BRD10: variants seen among roughly 807,000 people sequenced by gnomAD.
The protein encoded by BRD10 is bromodomain containing 10.
the BRD10 span, among the ~76,000 whole-genome samples, chr9:5,997,901 T>A: frequency 6.6e-6 from 1 of 152,112 alleles, no homozygotes; most frequent in Non-Finnish European, 1.5e-5. Context: ...ACACAATACA[T>A]AATAAATAAG....
chr9:6,008,325 C>T, the BRD10 span: 2 of 984,906 alleles, frequency 2.0e-6, no homozygotes, highest in African/African-American at 1.7e-5. Flanking sequence ...GGACGGGGCC[C>T]GGCGACAACT....
the BRD10 span, among the ~76,000 whole-genome samples, chr9:5,925,607 G>A: frequency 6.6e-6 from 1 of 152,034 alleles, no homozygotes; most frequent in Non-Finnish European, 1.5e-5. Context: ...CTATTTTTGT[G>A]ACTATCATAC....
At chr9:6,003,656 T>C in the BRD10 span, among the ~76,000 whole-genome samples, 1 of 152,174 alleles carries the variant, frequency 6.6e-6, no homozygotes, top group Non-Finnish European at 1.5e-5. Context: ...AAAGGCAATA[T>C]ACACACCAGT....
the BRD10 span, chr9:6,007,195 C>G: frequency 6.2e-7 from 1 of 1,610,864 alleles, no homozygotes; most frequent in Non-Finnish European, 8.5e-7. Context: ...GCTCGCTTAC[C>G]GAGAGAGAAG....
chr9:5,968,167 T>C, the BRD10 span: 3 of 1,604,758 alleles, frequency 1.9e-6, no homozygotes, highest in East Asian at 2.2e-5. Flanking sequence ...ATTTCTTTTT[T>C]TTCTTTTTCT....
chr9:5,886,037 G>A, the BRD10 span, among the ~76,000 whole-genome samples: 1 of 152,206 alleles, frequency 6.6e-6, no homozygotes, highest in South Asian at 2.1e-4. Context: ...CACAGTGGAC[G>A]CATGGCTAGC....
the BRD10 span, among the ~76,000 whole-genome samples, chr9:5,884,998 C>T: frequency 2.6e-5 from 4 of 152,268 alleles, no homozygotes; most frequent in South Asian, 6.2e-4. Context: ...AAGGCCAGCC[C>T]GAGGCCAGCA....
the BRD10 span, chr9:5,919,487 CT>C: frequency 5.6e-6 from 3 of 535,916 alleles, no homozygotes; most frequent in South Asian, 5.7e-5. Flanking sequence ...TGGAACAGAT[CT>C]TTCCCTCCCC....
At chr9:5,916,196 G>A in the BRD10 span, among the ~76,000 whole-genome samples, 1 of 152,104 alleles carries the variant, frequency 6.6e-6, no homozygotes, top group Non-Finnish European at 1.5e-5. Context: ...ATGACTTCAG[G>A]TAAACTGTTT....
At chr9:5,916,554 C>CTCTATATAAAACT in the BRD10 span, among the ~76,000 whole-genome samples, 8 of 105,718 alleles carry the variant, frequency 7.6e-5, no homozygotes, top group Non-Finnish European at 1.2e-4. Context: ...AAACTAATCA[C>CTCTATATAAAACT]TATATATAAA....
chr9:5,905,332 T>C, the BRD10 span, among the ~76,000 whole-genome samples: 1 of 151,798 alleles, frequency 6.6e-6, no homozygotes, highest in Non-Finnish European at 1.5e-5. Context: ...GGAAGGGAGG[T>C]GAGAGATGCC....
At chr9:5,934,358 C>CTTTTTTTTTTTTTTTTTTTTTTT in the BRD10 span, among the ~76,000 whole-genome samples, 1 of 129,996 alleles carries the variant, frequency 7.7e-6, no homozygotes, top group Non-Finnish European at 1.6e-5. Context: ...TTACGCTTTT[C>CTTTTTTTTTTTTTTTTTTTTTTT]TTTTTTTTTT....
At chr9:5,898,612 T>C in the BRD10 span, among the ~76,000 whole-genome samples, 1 of 152,154 alleles carries the variant, frequency 6.6e-6, no homozygotes, top group African/African-American at 2.4e-5. Context: ...TGACGGTTTA[T>C]AGGGCACAGG....
chr9:5,905,452 G>A, the BRD10 span, among the ~76,000 whole-genome samples: 1 of 152,116 alleles, frequency 6.6e-6, no homozygotes, highest in South Asian at 2.1e-4. Flanking sequence ...TATCAAATTA[G>A]GAACAAGACA....
At chr9:5,994,901 C>CTTTTTTTTTTT in the BRD10 span, among the ~76,000 whole-genome samples, 499 of 141,566 alleles carry the variant, frequency 3.5e-3, 7 homozygotes, top group African/African-American at 0.013. Flanking sequence ...TATCATTTTT[C>CTTTTTTTTTTT]TTTTTTTTTT....
chr9:5,921,850 C>G, the BRD10 span: 15 of 1,613,922 alleles, frequency 9.3e-6, no homozygotes, highest in Non-Finnish European at 1.1e-5. Context: ...TCACGTGGCC[C>G]AAATCACCAC....
the BRD10 span, among the ~76,000 whole-genome samples, chr9:5,959,509 T>C: frequency 1.3e-5 from 2 of 152,200 alleles, no homozygotes; most frequent in Non-Finnish European, 2.9e-5. Flanking sequence ...CAATAAGCAC[T>C]CAATGAGTAC....
At chr9:5,964,492 G>C in the BRD10 span, among the ~76,000 whole-genome samples, 1 of 145,362 alleles carries the variant, frequency 6.9e-6, no homozygotes. Flanking sequence ...GTGGAAGTCA[G>C]TGTGGCGATT....
the BRD10 span, chr9:6,008,065 C>G: frequency 2.0e-6 from 2 of 983,736 alleles, no homozygotes; most frequent in Non-Finnish European, 2.4e-6. Context: ...GCGCACGGCC[C>G]TCGCCGGCCT....
Sources: allele counts gnomAD v4.1 joint callset (sites outside exome capture counted in the v4.1 genomes callset), GRCh38; gene constraint gnomAD v4.1.1; transcripts MANE v1.5; gene names NCBI Gene and HGNC (gene_info 2026-07-23, HGNC 2026-07-21).